The following PDE1C variants were observed in gnomAD, a reference collection of about 807,000 sequenced individuals.
PDE1C encodes the protein phosphodiesterase 1C, also known as dual specificity calcium/calmodulin-dependent 3',5'-cyclic nucleotide phosphodiesterase 1C.
A neutral mutation model predicts 93.1 loss-of-function variants in PDE1C; 62 were observed. The observed-to-expected ratio is 0.67, with a 90% confidence interval of 0.54 to 0.82. The LOEUF (loss-of-function observed/expected upper bound fraction) is 0.82. PDE1C is among the 40% of genes least tolerant of loss of function. The pLI is 0.00. For missense variants in PDE1C, 742 were observed against 884.6 expected (o/e 0.84, Z 2.04); for synonymous variants, 325 against 310.1 (o/e 1.05, Z -0.50).
At chr7:32,309,267 G>A (rs1184682375) in intron 1 of PDE1C, among the ~76,000 whole-genome samples, 2 of 152,198 alleles carry the variant, frequency 1.3e-5, no homozygotes, top group Admixed American at 6.5e-5. Context: ...CTAAACCTAC[G>A]TCTGATTGGT....
chr7:32,310,980 G>C (rs1585102312), intron 1 of PDE1C, among the ~76,000 whole-genome samples: 1 of 152,198 alleles, frequency 6.6e-6, no homozygotes, highest in Middle Eastern at 3.4e-3. Context: ...TTTTTGAAAA[G>C]ATCAACAAAA....
chr7:32,275,079 A>G (rs1562641520), intron 1 of PDE1C, among the ~76,000 whole-genome samples: 1 of 152,196 alleles, frequency 6.6e-6, no homozygotes, highest in Non-Finnish European at 1.5e-5. Context: ...TGGAGAGATT[A>G]TTGCTTGAAG....
chr7:31,773,071 G>C (rs1795604209), intron 17 of PDE1C, among the ~76,000 whole-genome samples: 1 of 152,238 alleles, frequency 6.6e-6, no homozygotes, highest in Non-Finnish European at 1.5e-5. Flanking sequence ...GCACCCCTCA[G>C]GATGTGAAGC....
chr7:32,074,845 C>T (rs767335207), upstream of PDE1C, among the ~76,000 whole-genome samples: 5 of 152,252 alleles, frequency 3.3e-5, no homozygotes, highest in Admixed American at 6.5e-5. Flanking sequence ...AATCCACAAA[C>T]GTTTTGTGTG....
chr7:32,139,971 G>C (rs1800425305), intron 3 of PDE1C, among the ~76,000 whole-genome samples: 1 of 152,044 alleles, frequency 6.6e-6, no homozygotes, highest in Admixed American at 6.6e-5. Context: ...CCTGGGCATT[G>C]GATGACAATG....
intron 1 of PDE1C, among the ~76,000 whole-genome samples, chr7:32,389,157 C>CATGTGTGTGT (rs5883344): frequency 2.7e-4 from 37 of 135,782 alleles, no homozygotes; most frequent in Admixed American, 1.5e-3. Flanking sequence ...TGATAGCTGA[C>CATGTGTGTGT]GTGTGTGTGT....
chr7:31,642,250 C>T, the PDE1C span: 5 of 1,551,036 alleles, frequency 3.2e-6, no homozygotes, highest in Admixed American at 5.9e-5. Context: ...GGAACCGCTG[C>T]CCCTCCAGGT....
intron 3 of PDE1C, among the ~76,000 whole-genome samples, chr7:32,115,875 C>G (rs1372818762): frequency 1.3e-5 from 2 of 152,080 alleles, no homozygotes; most frequent in Non-Finnish European, 2.9e-5. Context: ...AGAATTCTAC[C>G]CCCAGTGAGA....
At chr7:31,621,767 A>AGTC in the PDE1C span, among the ~76,000 whole-genome samples, 1 of 148,476 alleles carries the variant, frequency 6.7e-6, no homozygotes, top group African/African-American at 2.5e-5. Context: ...TATTAACTTT[A>AGTC]AATGTAAATG....
At chr7:32,338,969 C>G (rs1783686663) in intron 1 of PDE1C, among the ~76,000 whole-genome samples, 1 of 151,674 alleles carries the variant, frequency 6.6e-6, no homozygotes, top group Admixed American at 6.6e-5. Context: ...TGCCACTGCA[C>G]TCCAGCCTGG....
chr7:31,958,715 T>G (rs1436157283), intron 2 of PDE1C, among the ~76,000 whole-genome samples: 1 of 152,172 alleles, frequency 6.6e-6, no homozygotes, highest in Non-Finnish European at 1.5e-5. Context: ...ACACATTTAT[T>G]ACTTTGGAAT....
intron 3 of PDE1C, among the ~76,000 whole-genome samples, chr7:32,130,745 G>T (rs1198694170): frequency 6.6e-6 from 1 of 151,918 alleles, no homozygotes; most frequent in Non-Finnish European, 1.5e-5. Context: ...AGATAATGAA[G>T]AATTTAAATA....
At chr7:32,045,540 C>T (rs530649246) in intron 2 of PDE1C, among the ~76,000 whole-genome samples, 1 of 152,296 alleles carries the variant, frequency 6.6e-6, no homozygotes, top group South Asian at 2.1e-4. Flanking sequence ...ATCAATACTA[C>T]TAAGTAAGCA....
chr7:31,683,609 C>T, the PDE1C span, among the ~76,000 whole-genome samples: 14 of 152,096 alleles, frequency 9.2e-5, no homozygotes, highest in South Asian at 2.1e-4. Flanking sequence ...AGACAACCAA[C>T]GAGATCCAGC....
At position 31,964,048 on chromosome 7, in the gene PDE1C, G is replaced by A. The variant is rs888695924; in HGVS notation, c.129-83188C>T. On this transcript the variant is annotated intron_variant, in intron 2 of 17. Transcript: ENST00000396191. ...AGTGTGAGCGATAAAGAAGACGGGT[G>A]ATTTCTGCATTTCCAACTGAGGTAG... 2.6e-5 allele frequency among the ~76,000 whole-genome samples: 4 copies of A among 152,242 alleles called. No homozygotes were observed. The South Asian group carries it at 8.3e-4, about 32-fold the overall frequency.
intron 7 of PDE1C, among the ~76,000 whole-genome samples, chr7:31,860,272 T>C (rs1583645821): frequency 6.6e-6 from 1 of 152,268 alleles, no homozygotes; most frequent in Non-Finnish European, 1.5e-5. Context: ...TGGGGAGTAG[T>C]GCTACTGGCA....
intron 2 of PDE1C, among the ~76,000 whole-genome samples, chr7:31,989,245 T>C (rs1264251729): frequency 1.3e-5 from 2 of 152,180 alleles, no homozygotes; most frequent in African/African-American, 2.4e-5. Context: ...CATATCCTCC[T>C]TCTCTGGCTA....
chr7:31,924,631 T>C (rs1377200653), intron 2 of PDE1C, among the ~76,000 whole-genome samples: 3 of 152,238 alleles, frequency 2.0e-5, no homozygotes, highest in African/African-American at 7.2e-5. Context: ...TGCTCCTTCC[T>C]TTTGGGAACC....
rs145333033 is a variant in PDE1C, at chr7:31,894,035, A to G, written c.129-13175T>C. 8.7e-3 allele frequency among the ~76,000 whole-genome samples: 1,320 copies of G among 152,326 alleles called. 15 individuals are homozygous for G. Among genetic ancestry groups the G allele is most frequent in the African/African-American group, 0.03 (1,253 of 41,570 alleles). On this transcript the variant is annotated intron_variant, in intron 2 of 17. Transcript: ENST00000396191. ...GTGTAAAAAGAAGAATTCTTTTCCAATGAGCTTTATTGAGCTTTAGACTCT... is the reference window on the plus strand; with the variant it reads ...GTGTAAAAAGAAGAATTCTTTTCCAGTGAGCTTTATTGAGCTTTAGACTCT...
Sources: allele counts gnomAD v4.1 joint callset (sites outside exome capture counted in the v4.1 genomes callset), GRCh38; gene constraint gnomAD v4.1.1; transcripts MANE v1.5; gene names NCBI Gene and HGNC (gene_info 2026-07-23, HGNC 2026-07-21).